Variants in FGF12 observed in about 807,000 individuals in gnomAD.
FGF12 encodes the protein fibroblast growth factor 12.
In FGF12, 14 loss-of-function variants were observed where a neutral mutation model predicts 23.6. The ratio of observed to expected loss-of-function variants is 0.59; its 90% CI spans 0.39 to 0.93. The LOEUF (loss-of-function observed/expected upper bound fraction) is 0.93, where lower values mean the gene tolerates loss of function less well. Ranked by LOEUF, FGF12 falls within the 40% of genes least tolerant of loss-of-function variation. The pLI, the probability that FGF12 is intolerant of heterozygous loss-of-function variation, is 0.00. For synonymous variants in FGF12, 62 were observed against 77.3 expected (o/e 0.80, Z 1.04); for missense variants, 175 against 217.8 (o/e 0.80, Z 1.24).
chr3:192,405,012 G>A (rs1210866157), intron 2 of FGF12, among the ~76,000 whole-genome samples: 1 of 144,736 alleles, frequency 6.9e-6, no homozygotes, highest in Non-Finnish European at 1.5e-5. Context: ...CTGCTGTGTT[G>A]CAAGGAAGGT....
chr3:192,526,563 C>T (rs1724950645), intron 2 of FGF12, among the ~76,000 whole-genome samples: 1 of 152,272 alleles, frequency 6.6e-6, no homozygotes. Flanking sequence ...CATACACACA[C>T]ACACACATGC....
At chr3:192,270,598 G>T (rs1475396161) in intron 4 of FGF12, among the ~76,000 whole-genome samples, 2 of 152,150 alleles carry the variant, frequency 1.3e-5, no homozygotes, top group African/African-American at 4.8e-5. Flanking sequence ...AAAATTAAGA[G>T]AATTATTGTA....
At chr3:192,172,419 A>AC (rs891904096) in intron 4 of FGF12, among the ~76,000 whole-genome samples, 4 of 149,570 alleles carry the variant, frequency 2.7e-5, no homozygotes, top group Admixed American at 6.7e-5. Context: ...CCAAGAAAAC[A>AC]CCCCCCAAAG....
chr3:192,328,488 A>G (rs1716940928), intron 4 of FGF12, among the ~76,000 whole-genome samples: 1 of 152,196 alleles, frequency 6.6e-6, no homozygotes, highest in Admixed American at 6.5e-5. Flanking sequence ...CTGACTCAAC[A>G]GGAAGACGAC....
At chr3:192,557,198 A>C (rs1711820311) in intron 2 of FGF12, among the ~76,000 whole-genome samples, 1 of 151,990 alleles carries the variant, frequency 6.6e-6, no homozygotes, top group Non-Finnish European at 1.5e-5. Context: ...GGAAATAATC[A>C]AGATTAAAGT....
intron 2 of FGF12, among the ~76,000 whole-genome samples, chr3:192,632,983 T>C (rs1259323068): frequency 6.6e-6 from 1 of 152,120 alleles, no homozygotes; most frequent in Non-Finnish European, 1.5e-5. Context: ...AGCCTCTGCT[T>C]TCATCCCCAC....
chr3:192,199,851 G>C (rs1717267235), intron 4 of FGF12, among the ~76,000 whole-genome samples: 1 of 152,168 alleles, frequency 6.6e-6, no homozygotes, highest in Admixed American at 6.5e-5. Flanking sequence ...AACCATCACA[G>C]TTCAGATGGA....
At chr3:192,269,924 G>T (rs901349698) in intron 4 of FGF12, among the ~76,000 whole-genome samples, 3 of 152,048 alleles carry the variant, frequency 2.0e-5, no homozygotes, top group African/African-American at 7.2e-5. Flanking sequence ...TTGTTAGTGA[G>T]CCCTGTGTTA....
chr3:192,725,003 AGATTT>A (rs146381875), intron 2 of FGF12, among the ~76,000 whole-genome samples: 2,104 of 152,322 alleles, frequency 0.014, 50 homozygotes, highest in African/African-American at 0.049. Context: ...TCCTAGAATT[AGATTT>A]GAATCTGTTG....
chr3:192,361,875 G>A (rs1577388883), intron 2 of FGF12, among the ~76,000 whole-genome samples: 1 of 152,302 alleles, frequency 6.6e-6, no homozygotes, highest in African/African-American at 2.4e-5. Flanking sequence ...CAAAGCAAAA[G>A]AGATGTCAAG....
intron 5 of FGF12, among the ~76,000 whole-genome samples, chr3:192,165,441 T>C (rs1577193261): frequency 6.6e-6 from 1 of 152,182 alleles, no homozygotes. Flanking sequence ...TGAAGGAACA[T>C]GGTTTTACAG....
At chr3:192,403,680 C>T (rs1046242930) in intron 2 of FGF12, among the ~76,000 whole-genome samples, 1 of 151,872 alleles carries the variant, frequency 6.6e-6, no homozygotes, top group African/African-American at 2.4e-5. Flanking sequence ...TATCACCTGT[C>T]ATATAAATCT....
chr3:192,567,898 T>C (rs1340602041), intron 2 of FGF12, among the ~76,000 whole-genome samples: 1 of 151,642 alleles, frequency 6.6e-6, no homozygotes, highest in Non-Finnish European at 1.5e-5. Flanking sequence ...AGTGGCGCGA[T>C]CTTGGCTCAC....
chr3:192,575,024 G>A (rs909927612), intron 2 of FGF12, among the ~76,000 whole-genome samples: 11 of 152,160 alleles, frequency 7.2e-5, no homozygotes, highest in Non-Finnish European at 1.5e-4. Context: ...ACAGACTATG[G>A]TATATCCATA....
At chr3:192,634,108 T>C (rs1715493828) in intron 2 of FGF12, among the ~76,000 whole-genome samples, 1 of 151,786 alleles carries the variant, frequency 6.6e-6, no homozygotes, top group Non-Finnish European at 1.5e-5. Context: ...GTAATTTTCA[T>C]CATACTTTAT....
chr3:192,215,246 C>G (rs1436590082), intron 4 of FGF12, among the ~76,000 whole-genome samples: 2 of 152,160 alleles, frequency 1.3e-5, no homozygotes, highest in African/African-American at 4.8e-5. Flanking sequence ...CAAATAACCC[C>G]CACCTGCCCA....
At chr3:192,624,863 C>T (rs1166668045) in intron 2 of FGF12, among the ~76,000 whole-genome samples, 1 of 152,052 alleles carries the variant, frequency 6.6e-6, no homozygotes, top group African/African-American at 2.4e-5. Flanking sequence ...CATCAGTACC[C>T]TTCCATAGAG....
chr3:192,248,604 C>T (rs1306050648), intron 4 of FGF12, among the ~76,000 whole-genome samples: 1 of 152,056 alleles, frequency 6.6e-6, no homozygotes, highest in Non-Finnish European at 1.5e-5. Flanking sequence ...GAGACCCCGT[C>T]TCTACAAAAA....
chr3:192,411,771 G>A (rs1195553052), intron 2 of FGF12, among the ~76,000 whole-genome samples: 2 of 152,202 alleles, frequency 1.3e-5, no homozygotes, highest in Admixed American at 6.5e-5. Context: ...GCTAAGGGGA[G>A]TAGCCAGAGA....
Sources: gnomAD v4.1 joint callset for allele counts (sites outside exome capture counted in the v4.1 genomes callset) on GRCh38, gnomAD v4.1.1 for gene constraint, MANE v1.5 for transcripts, NCBI Gene and HGNC (gene_info 2026-07-23, HGNC 2026-07-21) for gene names.